The following GPR39 variants were observed in gnomAD, a reference collection of about 807,000 sequenced individuals.
GPR39 encodes the protein zinc sensing receptor.
GPR39 carries 23 observed loss-of-function variants against 18.4 expected under a neutral mutation model. That is an observed-to-expected ratio of 1.25 (90% CI 0.90 to 1.77). GPR39 has a LOEUF of 1.77. Ranked by LOEUF, GPR39 falls within the 40% of genes most tolerant of loss-of-function variation. The pLI, the probability that GPR39 is intolerant of heterozygous loss-of-function variation, is 0.00. For synonymous variants in GPR39, 280 were observed against 257.9 expected, an observed-to-expected ratio of 1.09 and a Z score of -0.82; for missense variants, 647 against 602.4, an observed-to-expected ratio of 1.07 and a Z score of -0.78.
At chr2:132,562,060 T>A (rs1680263506) in intron 1 of GPR39, among the ~76,000 whole-genome samples, 3 of 152,114 alleles carry the variant, frequency 2.0e-5, no homozygotes. Flanking sequence ...TAACCCAGAA[T>A]ATTAACTATC....
chr2:132,497,125 T>A (rs1558816780), intron 1 of GPR39, among the ~76,000 whole-genome samples: 1 of 152,170 alleles, frequency 6.6e-6, no homozygotes, highest in South Asian at 2.1e-4. Context: ...CACATCCTGA[T>A]GTGTGTGTGG....
In GPR39 at chr2:132,531,944, A is replaced by G. The variant is rs372527895; in HGVS notation, c.857-113157A>G. ...ATAACATCACAATTAAAAGAACTAG[A>G]GAAGCAAGAGCAAACACATTCAAAA... On this transcript the variant is annotated intron_variant, in intron 1 of 1. Transcript: ENST00000329321. Among the ~76,000 whole-genome samples, 3 of 152,378 alleles carry G rather than the reference A, an allele frequency of 2.0e-5. No individual in the cohort carries two copies. In the East Asian group the frequency reaches 5.8e-4, roughly 29 times the overall value.
intron 1 of GPR39, among the ~76,000 whole-genome samples, chr2:132,430,385 AG>A (rs568345700): frequency 2.0e-5 from 3 of 152,156 alleles, no homozygotes; most frequent in Non-Finnish European, 4.4e-5. Context: ...GTGGCTGGGG[AG>A]ACCTTGACTT....
chr2:132,492,915 TACCATATATATACACCATATATACAC>T (rs1558814820), intron 1 of GPR39, among the ~76,000 whole-genome samples: 1 of 139,826 alleles, frequency 7.2e-6, no homozygotes, highest in Non-Finnish European at 1.5e-5. Context: ...ATACACCATA[TACCATATATATACACCATATATACAC>T]ACCATATATA....
At chr2:132,476,672 G>A (rs1208017292) in intron 1 of GPR39, among the ~76,000 whole-genome samples, 2 of 139,476 alleles carry the variant, frequency 1.4e-5, no homozygotes. Context: ...AGATAGATAT[G>A]TAAAGATATG....
At chr2:132,488,064 T>C (rs1681377295) in intron 1 of GPR39, among the ~76,000 whole-genome samples, 1 of 152,228 alleles carries the variant, frequency 6.6e-6, no homozygotes, top group Non-Finnish European at 1.5e-5. Flanking sequence ...TTTTAGGTCC[T>C]ATTTGCCTTC....
At chr2:132,611,560 T>A (rs1405868352) in intron 1 of GPR39, among the ~76,000 whole-genome samples, 3 of 152,104 alleles carry the variant, frequency 2.0e-5, no homozygotes, top group African/African-American at 7.2e-5. Context: ...TGCTTGTGGT[T>A]GTTATGACCA....
intron 1 of GPR39, among the ~76,000 whole-genome samples, chr2:132,425,215 G>T (rs1039097185): frequency 6.6e-6 from 1 of 152,074 alleles, no homozygotes. Flanking sequence ...CCTGGACTAC[G>T]ACAGCCTATA....
Position 132,527,512 on chromosome 2 carries a change from C to A in GPR39, c.856+109614C>A, listed in dbSNP as rs542167971. Among the ~76,000 whole-genome samples, 34 of 152,312 alleles carry A rather than the reference C, an allele frequency of 2.2e-4. No individual in the cohort carries two copies. In the South Asian group the frequency reaches 7.0e-3, roughly 32 times the overall value. Reference sequence around the variant, plus strand: ...GTAGTTCTAGATCTTTGAAGAATTGCCACACTGTCTTCCACAATGGTTGAA... The same window carrying A: ...GTAGTTCTAGATCTTTGAAGAATTGACACACTGTCTTCCACAATGGTTGAA... On this transcript the variant is annotated intron_variant, in intron 1 of 1. Coordinates refer to ENST00000329321, the MANE Select transcript of GPR39 (RefSeq NM_001508.3).
intron 1 of GPR39, among the ~76,000 whole-genome samples, chr2:132,620,074 A>G (rs1169335035): frequency 6.6e-6 from 1 of 152,176 alleles, no homozygotes; most frequent in Non-Finnish European, 1.5e-5. Flanking sequence ...GATGTGGTCC[A>G]AGTCCCCATG....
intron 1 of GPR39, among the ~76,000 whole-genome samples, chr2:132,590,138 T>C (rs1238214325): frequency 6.6e-6 from 1 of 152,186 alleles, no homozygotes; most frequent in African/African-American, 2.4e-5. Context: ...CTTGATGCTA[T>C]TGAGCAACAG....
chr2:132,513,564 T>TAC (rs1679278496), intron 1 of GPR39, among the ~76,000 whole-genome samples: 1 of 152,216 alleles, frequency 6.6e-6, no homozygotes, highest in African/African-American at 2.4e-5. Flanking sequence ...GTCTACTATG[T>TAC]ACACTACACT....
chr2:132,437,814 C>G (rs4263162), intron 1 of GPR39, among the ~76,000 whole-genome samples: 57,009 of 152,016 alleles, frequency 0.38, 11,220 homozygotes, highest in African/African-American at 0.51. Context: ...GGCAGGTCCC[C>G]CAGTGCTGTA....
chr2:132,541,240 C>T (rs915577690), intron 1 of GPR39, among the ~76,000 whole-genome samples: 2 of 152,056 alleles, frequency 1.3e-5, no homozygotes, highest in African/African-American at 4.8e-5. Context: ...TGTGTCACCA[C>T]GCTCAGCTAA....
intron 1 of GPR39, among the ~76,000 whole-genome samples, chr2:132,622,621 C>T (rs547053844): frequency 1.1e-4 from 16 of 152,246 alleles, no homozygotes; most frequent in Admixed American, 4.6e-4. Context: ...AGCTGGATAC[C>T]GCGAAGCAGA....
chr2:132,515,181 C>A (rs1413266127), intron 1 of GPR39, among the ~76,000 whole-genome samples: 2 of 152,200 alleles, frequency 1.3e-5, no homozygotes, highest in East Asian at 3.9e-4. Flanking sequence ...AGGTGGCGTT[C>A]TGCCAAGGTT....
intron 1 of GPR39, among the ~76,000 whole-genome samples, chr2:132,599,407 C>G (rs1046822121): frequency 1.4e-4 from 21 of 152,124 alleles, no homozygotes; most frequent in African/African-American, 5.1e-4. Context: ...CTCCGTCTGC[C>G]TTTGCAACAG....
intron 1 of GPR39, among the ~76,000 whole-genome samples, chr2:132,497,027 G>A (rs951710692): frequency 6.6e-6 from 1 of 152,150 alleles, no homozygotes; most frequent in African/African-American, 2.4e-5. Flanking sequence ...TATCATGACA[G>A]CAGTGATTAT....
At position 132,514,319 on chromosome 2, in the gene GPR39, C is replaced by A. The variant is rs112030421; in HGVS notation, c.856+96421C>A. ...ATGTCAGAGCTCCTGGGTCTGTGTT[C>A]TACCTGTCCTTCCCCACTGCCTGCC... On this transcript the variant is annotated intron_variant, in intron 1 of 1. Transcript: ENST00000329321. 7.5e-3 allele frequency among the ~76,000 whole-genome samples: 1,136 copies of A among 152,286 alleles called. 14 individuals carry two copies. The highest frequency in any genetic ancestry group is 0.025 in the African/African-American group (1,040 of 41,554).
Sources: allele counts gnomAD v4.1 joint callset (sites outside exome capture counted in the v4.1 genomes callset), GRCh38; gene constraint gnomAD v4.1.1; transcripts MANE v1.5; gene names NCBI Gene and HGNC (gene_info 2026-07-23, HGNC 2026-07-21).